Variants in STRN3 observed in about 807,000 individuals in gnomAD.
The protein encoded by STRN3 is striatin-3.
A neutral mutation model predicts 95.6 loss-of-function variants in STRN3; 29 were observed. The observed-to-expected ratio is 0.30, with a 90% confidence interval of 0.23 to 0.41. The LOEUF (loss-of-function observed/expected upper bound fraction) is 0.41. Ranked by LOEUF, STRN3 falls within the 10% of genes least tolerant of loss-of-function variation. STRN3 has a pLI of 1.00. For missense variants in STRN3, 890 were observed against 972.1 expected, an observed-to-expected ratio of 0.92 and a Z score of 1.12; for synonymous variants, 331 against 357.6, an observed-to-expected ratio of 0.93 and a Z score of 0.84.
chr14:30,964,883 C>T (rs1226061848), intron 1 of STRN3, among the ~76,000 whole-genome samples: 1 of 150,934 alleles, frequency 6.6e-6, no homozygotes, highest in African/African-American at 2.4e-5. Flanking sequence ...AGCACCACTG[C>T]ACTCCAGCCA....
chr14:30,902,728 T>G (rs575932260), intron 15 of STRN3, 85 bp from the exon 16 acceptor site: 1 of 839,486 alleles, frequency 1.2e-6, no homozygotes, highest in Non-Finnish European at 1.8e-6. Flanking sequence ...TGCTAAAATA[T>G]AAAAATCATT....
intron 3 of STRN3, among the ~76,000 whole-genome samples, chr14:30,951,856 G>C (rs995312890): frequency 3.3e-5 from 5 of 152,132 alleles, no homozygotes; most frequent in Non-Finnish European, 5.9e-5. Context: ...AATGGCTCAC[G>C]CCTGTAATCC....
chr14:30,924,340 T>C (rs1594443583), intron 8 of STRN3, among the ~76,000 whole-genome samples: 1 of 120,838 alleles, frequency 8.3e-6, no homozygotes, highest in African/African-American at 3.1e-5. Flanking sequence ...CAGGCTGGAG[T>C]GCAGTGGCGC....
intron 5 of STRN3, among the ~76,000 whole-genome samples, chr14:30,945,700 C>T (rs116480983): frequency 6.6e-6 from 1 of 152,282 alleles, no homozygotes; most frequent in African/African-American, 2.4e-5. Context: ...GAATGAAGTG[C>T]TGATGCATGC....
At chr14:30,974,621 A>C (rs1228986474) in intron 1 of STRN3, among the ~76,000 whole-genome samples, 2 of 151,786 alleles carry the variant, frequency 1.3e-5, no homozygotes, top group Admixed American at 6.6e-5. Context: ...AAAAAAAAAA[A>C]AACCTTGAAA....
rs145935604 is a variant in STRN3 at position 30,955,366 on chromosome 14, C to T, written c.460+254G>A. Among the ~76,000 whole-genome samples, 7 of 152,228 alleles carry T rather than the reference C, an allele frequency of 4.6e-5. No individual in the cohort carries two copies. In the East Asian group the frequency reaches 1.3e-3, roughly 29 times the overall value. On this transcript the variant is annotated intron_variant, in intron 3 of 17. Transcript: ENST00000357479. ...AATACCTAACTTTGTTACCTTTCAG[C>T]TCAAATTACTACCATAAATGCAACC...
chr14:30,900,328 CAA>C (rs1896272254), intron 16 of STRN3, among the ~76,000 whole-genome samples: 1 of 137,062 alleles, frequency 7.3e-6, no homozygotes, highest in Non-Finnish European at 1.5e-5. Flanking sequence ...CACTGCACTC[CAA>C]CCTGGGCAAT....
In STRN3 at chr14:30,894,953, A is replaced by T; in HGVS notation, c.*458T>A. On this transcript the variant is annotated 3_prime_UTR_variant, in exon 18 of 18. Transcript: ENST00000357479. ...AGGGAATCTGTGGCATTCAACCGAT[A>T]AACAGAAGATCACTAAGAGATGAAA... is the stretch of plus-strand genomic sequence containing the variant. The T allele has an allele frequency of 9.1e-7, 1 of 1,094,326 alleles. No homozygotes were observed. The highest frequency in any genetic ancestry group is 1.2e-6 in the Non-Finnish European group (1 of 868,418). 67.8% of individuals were successfully genotyped at this position (1,094,326 alleles called of 1,614,324 possible).
At chr14:30,988,406 TTTTA>T (rs1457626170) in intron 1 of STRN3, among the ~76,000 whole-genome samples, 13 of 152,184 alleles carry the variant, frequency 8.5e-5, no homozygotes, top group Non-Finnish European at 1.6e-4. Flanking sequence ...CACAACCTAT[TTTTA>T]TTTGTTATTT....
At chr14:30,970,269 C>T (rs1880758150) in intron 1 of STRN3, among the ~76,000 whole-genome samples, 4 of 152,094 alleles carry the variant, frequency 2.6e-5, no homozygotes, top group Non-Finnish European at 5.9e-5. Context: ...TAAATTGGGA[C>T]CTTTTAATCC....
intron 5 of STRN3, among the ~76,000 whole-genome samples, chr14:30,938,169 T>C (rs1186235863): frequency 6.6e-6 from 1 of 152,146 alleles, no homozygotes; most frequent in Non-Finnish European, 1.5e-5. Flanking sequence ...TTGACTATAT[T>C]TTTTAAATAG....
intron 16 of STRN3, 104 bp downstream of exon 16, chr14:30,902,431 TG>T: frequency 1.4e-6 from 1 of 705,070 alleles, no homozygotes; most frequent in Non-Finnish European, 2.2e-6. Flanking sequence ...TGGTTTCATT[TG>T]GCAATTTCGT....
At chr14:30,977,794 G>GGAAAAAAAAAAAAAAAAAAAAAAA (rs1566470814) in intron 1 of STRN3, among the ~76,000 whole-genome samples, 1 of 109,928 alleles carries the variant, frequency 9.1e-6, no homozygotes, top group Non-Finnish European at 1.7e-5. Context: ...ACTCTATCTC[G>GGAAAAAAAAAAAAAAAAAAAAAAA]AAAAAAAAAA....
At chr14:30,904,961 TAA>T (rs374512182) in intron 15 of STRN3, among the ~76,000 whole-genome samples, 67 of 125,974 alleles carry the variant, frequency 5.3e-4, no homozygotes, top group Admixed American at 1.1e-3. Flanking sequence ...TTTCGTCAAT[TAA>T]AAAAAAAAAA....
chr14:31,013,861 A>ATTT (rs199918149), intron 1 of STRN3, among the ~76,000 whole-genome samples: 29,547 of 103,982 alleles, frequency 0.28, 3,690 homozygotes, highest in Non-Finnish European at 0.33. Flanking sequence ...TCTCAAAGCA[A>ATTT]TTTTATTATT....
At chr14:30,954,154 C>T (rs1001659856) in intron 3 of STRN3, among the ~76,000 whole-genome samples, 1 of 152,116 alleles carries the variant, frequency 6.6e-6, no homozygotes, top group Non-Finnish European at 1.5e-5. Context: ...AATCAAGCAA[C>T]ATTTCATATA....
intron 1 of STRN3, among the ~76,000 whole-genome samples, chr14:31,016,826 A>C (rs762279419): frequency 1.6e-4 from 24 of 152,092 alleles, no homozygotes; most frequent in Non-Finnish European, 2.9e-4. Context: ...TACAGTCATG[A>C]GCCACTGCGC....
chr14:30,963,634 T>C (rs1189969342), intron 1 of STRN3, among the ~76,000 whole-genome samples: 2 of 152,150 alleles, frequency 1.3e-5, no homozygotes, highest in East Asian at 3.9e-4. Flanking sequence ...GGTCTCAAAC[T>C]CCTGACCTCA....
At chr14:30,927,915 A>G (rs1327220963) in intron 8 of STRN3, among the ~76,000 whole-genome samples, 2 of 141,840 alleles carry the variant, frequency 1.4e-5, no homozygotes, top group African/African-American at 2.7e-5. Context: ...CCAGGGCGAC[A>G]GAGCGAGACT....
Sources: gnomAD v4.1 joint callset for allele counts (sites outside exome capture counted in the v4.1 genomes callset) on GRCh38, gnomAD v4.1.1 for gene constraint, MANE v1.5 for transcripts, NCBI Gene and HGNC (gene_info 2026-07-23, HGNC 2026-07-21) for gene names.